Variants in TOGARAM1 observed in about 807,000 individuals in gnomAD.
TOGARAM1 encodes TOG array regulator of axonemal microtubules protein 1.
A neutral mutation model predicts 166.6 loss-of-function variants in TOGARAM1; 100 were observed. The ratio of observed to expected loss-of-function variants is 0.60; its 90% CI spans 0.51 to 0.71. TOGARAM1 has a LOEUF of 0.71. Among genes scored for constraint, TOGARAM1 ranks in the 30% least tolerant of loss-of-function variants. The pLI is 0.00. For synonymous variants in TOGARAM1, 758 were observed against 763.8 expected (o/e 0.99, Z 0.13); for missense variants, 2,029 against 2,102.7 (o/e 0.96, Z 0.69).
Position 45,068,514 on chromosome 14 carries a change from C to A in TOGARAM1, c.4840C>A (p.Leu1614Ile). 1 of 1,613,612 alleles carries A rather than the reference C, an allele frequency of 6.2e-7. No individual in the cohort carries two copies. Among genetic ancestry groups the A allele is most frequent in the South Asian group, 1.1e-5 (1 of 91,008 alleles). Residue 1614 changes from leucine (L) to isoleucine (I), a missense_variant, in exon 18 of 20, where the codon CTT becomes ATT. Physicochemically the swap from Leu to Ile is conservative, Grantham distance 5 (BLOSUM62 2). This residue lies in a region of TOGARAM1 where 576 missense variants were observed against 670.5 expected (regional missense o/e 0.86). Coordinates refer to ENST00000361462, the MANE Select transcript of TOGARAM1 (RefSeq NM_001308120.2). The stretch of plus-strand genomic sequence containing the variant: ...AACAATGCACAAAATGATTCCTCTA[C>A]TTAGAGACCACTTATCTCCTATAAT... ...LETMHKMIPL[L>I]RDHLSPIINM...
chr14:44,966,207 C>G (rs915341687), intron 1 of TOGARAM1, among the ~76,000 whole-genome samples: 3 of 151,760 alleles, frequency 2.0e-5, no homozygotes, highest in Admixed American at 1.3e-4. Context: ...CAGGGTGGCT[C>G]ACACCTGTAA....
intron 1 of TOGARAM1, 39 bp downstream of exon 1, chr14:44,964,506 A>C (rs377334568): frequency 4.6e-6 from 7 of 1,510,024 alleles, no homozygotes; most frequent in Non-Finnish European, 6.2e-6. Flanking sequence ...AAGTGTGAAG[A>C]ATTTAAATGA....
chr14:44,991,645 G>A (rs1240717297), intron 1 of TOGARAM1, among the ~76,000 whole-genome samples: 1 of 152,134 alleles, frequency 6.6e-6, no homozygotes, highest in Non-Finnish European at 1.5e-5. Context: ...GGAACTATGA[G>A]TCTAAAATAA....
chr14:44,966,735 C>G (rs984312857), intron 1 of TOGARAM1, among the ~76,000 whole-genome samples: 2 of 151,968 alleles, frequency 1.3e-5, no homozygotes, highest in Non-Finnish European at 2.9e-5. Context: ...TGGACGATTG[C>G]TTGAGGCCAG....
intron 7 of TOGARAM1, among the ~76,000 whole-genome samples, chr14:45,019,449 A>G (rs968353490): frequency 1.3e-5 from 2 of 152,122 alleles, no homozygotes; most frequent in South Asian, 4.1e-4. Context: ...GAAAAAAAAA[A>G]CAAAAACCTT....
In TOGARAM1 at chr14:45,031,465, A is replaced by G. The variant is rs1594673776; in HGVS notation, c.3659-758A>G. Among the ~76,000 whole-genome samples, 3 of 152,332 alleles carry G rather than the reference A, an allele frequency of 2.0e-5. No individual in the cohort carries two copies. In the South Asian group the frequency reaches 6.2e-4, roughly 32 times the overall value. ...ACTACACATGGTCTTAGAATTTGTAATAGGCCACTAATTCTATATCGATAG... is the reference window on the plus strand; with the variant it reads ...ACTACACATGGTCTTAGAATTTGTAGTAGGCCACTAATTCTATATCGATAG... On this transcript the variant is annotated intron_variant, in intron 10 of 19. Transcript: ENST00000361462.
chr14:44,970,739 A>G (rs1885839820), intron 1 of TOGARAM1, among the ~76,000 whole-genome samples: 1 of 152,156 alleles, frequency 6.6e-6, no homozygotes, highest in African/African-American at 2.4e-5. Flanking sequence ...GAGAGTTTTC[A>G]TCATATATGG....
chr14:45,073,500 C>A lies in TOGARAM1; in HGVS notation c.5261C>A (p.Pro1754Gln), dbSNP rs200042594. The A allele has an allele frequency of 1.2e-6, 2 of 1,613,912 alleles. No homozygotes were observed. Among genetic ancestry groups the A allele is most frequent in the Non-Finnish European group, 1.7e-6 (2 of 1,179,984 alleles). Reference protein sequence around the residue: ...QNLLNQAASQPPHIKKSLEEL... With the variant: ...QNLLNQAASQQPHIKKSLEEL... The stretch of plus-strand genomic sequence containing the variant: ...CTGTTAAATCAGGCTGCATCTCAAC[C>A]ACCACATATCAAAAAGAGTTTGGAG... The change falls in exon 20 of 20, where the codon CCA becomes CAA. Residue 1754 changes from proline to glutamine, a missense_variant. Coordinates refer to ENST00000361462, the MANE Select transcript of TOGARAM1 (RefSeq NM_001308120.2).
At chr14:44,992,199 A>G (rs564759619) in intron 1 of TOGARAM1, among the ~76,000 whole-genome samples, 2 of 151,974 alleles carry the variant, frequency 1.3e-5, no homozygotes, top group East Asian at 3.9e-4. Context: ...AAAAATCAGG[A>G]TATAAAGTTT....
chr14:45,032,322 C>G lies in TOGARAM1; in HGVS notation c.3758C>G (p.Ser1253Cys), dbSNP rs1250093648. 6.2e-7 allele frequency: 1 copy of G among 1,614,082 alleles called. No homozygotes were observed. Among genetic ancestry groups the G allele is most frequent in the South Asian group, 1.1e-5 (1 of 91,066 alleles). Reference sequence around the variant, plus strand: ...GATCTGTCAGAACTACGACCATTCTCTAAACCAGAAATAGCACTGACAGAA... The same window carrying G: ...GATCTGTCAGAACTACGACCATTCTGTAAACCAGAAATAGCACTGACAGAA... ...IMDLSELRPF[S>C]KPEIALTEAL... Residue 1253 changes from serine (S) to cysteine (C), a missense_variant, in exon 11 of 20, where the codon TCT (serine) becomes TGT (cysteine). Physicochemically the swap from Ser to Cys is moderately radical, Grantham distance 112 (BLOSUM62 -1). Coordinates refer to ENST00000361462, the MANE Select transcript of TOGARAM1 (RefSeq NM_001308120.2).
chr14:45,016,611 G>A (rs1286547694), intron 7 of TOGARAM1, among the ~76,000 whole-genome samples: 1 of 152,064 alleles, frequency 6.6e-6, no homozygotes, highest in Non-Finnish European at 1.5e-5. Context: ...TGCCCAGGCT[G>A]GCCTTGAACT....
intron 4 of TOGARAM1, among the ~76,000 whole-genome samples, chr14:45,004,590 C>G (rs923119639): frequency 3.3e-5 from 5 of 152,020 alleles, no homozygotes; most frequent in African/African-American, 1.2e-4. Flanking sequence ...CTTTTCAGAA[C>G]CAGGAAAATA....
intron 6 of TOGARAM1, 90 bp from the exon 7 acceptor site, chr14:45,011,885 G>A: frequency 4.6e-6 from 4 of 862,324 alleles, no homozygotes; most frequent in Non-Finnish European, 7.2e-6. Context: ...AAAGGTCTGT[G>A]AGTTAATAAG....
chr14:45,049,653 T>C (rs1305199430), intron 14 of TOGARAM1, among the ~76,000 whole-genome samples: 1 of 152,174 alleles, frequency 6.6e-6, no homozygotes, highest in Non-Finnish European at 1.5e-5. Flanking sequence ...TGATATAACA[T>C]AATCTTGGGA....
chr14:45,035,734 A>C (rs1244471228), intron 11 of TOGARAM1, among the ~76,000 whole-genome samples: 1 of 152,148 alleles, frequency 6.6e-6, no homozygotes, highest in African/African-American at 2.4e-5. Flanking sequence ...ACCAAAAAAC[A>C]GTTCAGTGAG....
At chr14:45,054,081 G>A (rs1261603928) in intron 15 of TOGARAM1, among the ~76,000 whole-genome samples, 1 of 151,952 alleles carries the variant, frequency 6.6e-6, no homozygotes, top group Admixed American at 6.6e-5. Flanking sequence ...ATGTTGGCCA[G>A]GCTGGTATCA....
rs993776679 is a variant in TOGARAM1 at position 45,052,623 on chromosome 14, G to C, written c.4440+61G>C. 36 of 1,430,870 alleles carry C rather than the reference G, an allele frequency of 2.5e-5. No individual in the cohort carries two copies. In the East Asian group the frequency reaches 5.1e-4, roughly 20 times the overall value. The allele number at this position is 1,430,870 out of a possible 1,614,324, so 88.6% of individuals were successfully genotyped here. A position where few individuals can be genotyped will look rare whatever the true frequency, so the allele number is the denominator to read the frequency against. ...TAAGCAAAGCTTGTTTTTACATCCA[G>C]GTAAAGGATAGGAATAATTATTTAT... On this transcript the variant is annotated intron_variant, in intron 15 of 19. Transcript: ENST00000361462.
At chr14:45,006,771 A>G (rs1163255369) in intron 5 of TOGARAM1, 1 of 152,184 alleles carries the variant, frequency 6.6e-6, no homozygotes, top group Non-Finnish European at 1.5e-5. Context: ...TGTTTATACC[A>G]TTGATTTTGG....
At chr14:45,060,107 A>AT (rs1363156110) in intron 16 of TOGARAM1, among the ~76,000 whole-genome samples, 2 of 148,364 alleles carry the variant, frequency 1.3e-5, no homozygotes, top group African/African-American at 5.0e-5. Flanking sequence ...TTTAGTAGAG[A>AT]TGGGGTTTCA....
Sources: allele counts gnomAD v4.1 joint callset (sites outside exome capture counted in the v4.1 genomes callset), GRCh38; gene constraint gnomAD v4.1.1; regional missense constraint gnomAD v4.1.1; transcripts MANE v1.5; gene names NCBI Gene and HGNC (gene_info 2026-07-23, HGNC 2026-07-21).